ASB4: variants seen among roughly 807,000 people sequenced by gnomAD.
The protein encoded by ASB4 is ankyrin repeat and SOCS box protein 4.
In ASB4, 35 loss-of-function variants were observed where a neutral mutation model predicts 38.6. The ratio of observed to expected loss-of-function variants is 0.91; its 90% CI spans 0.69 to 1.20. The LOEUF is 1.20. Among genes scored for constraint, ASB4 ranks in the 50% most tolerant of loss-of-function variants. The probability of loss-of-function intolerance (pLI) is 0.00; values close to 1 mark genes in which losing one functional copy is unlikely to be tolerated. For synonymous variants in ASB4, 195 were observed against 201.3 expected, an observed-to-expected ratio of 0.97 and a Z score of 0.26; for missense variants, 557 against 527.2, an observed-to-expected ratio of 1.06 and a Z score of -0.55.
At chr7:95,492,932 A>AACAGAGAT (rs1464683545) in intron 1 of ASB4, among the ~76,000 whole-genome samples, 3 of 152,196 alleles carry the variant, frequency 2.0e-5, no homozygotes, top group Non-Finnish European at 2.9e-5. Context: ...CTCTGCTCGG[A>AACAGAGAT]ACAGAGATTC....
intron 1 of ASB4, among the ~76,000 whole-genome samples, chr7:95,493,417 T>C (rs1411580310): frequency 1.3e-5 from 2 of 149,304 alleles, no homozygotes; most frequent in East Asian, 3.9e-4. Flanking sequence ...TATAGCTAGG[T>C]TGGAGGATAC....
intron 2 of ASB4, among the ~76,000 whole-genome samples, chr7:95,510,024 G>A (rs1400533026): frequency 2.6e-5 from 4 of 152,042 alleles, no homozygotes; most frequent in Admixed American, 2.6e-4. Context: ...AAAAGACTGT[G>A]CTAAGGTGAC....
chr7:95,502,925 T>C (rs954346764), intron 2 of ASB4, among the ~76,000 whole-genome samples: 1 of 152,162 alleles, frequency 6.6e-6, no homozygotes, highest in African/African-American at 2.4e-5. Flanking sequence ...ACATATCTAA[T>C]AGAAAATTTC....
At position 95,486,020 on chromosome 7, in the gene ASB4, G is replaced by C. The variant is rs35047380; in HGVS notation, c.49G>C (p.Val17Leu). The change falls in exon 1 of 5, where the codon GTT becomes CTT. Residue 17 changes from valine (V) to leucine (L), a missense_variant. Val to Leu is a conservative substitution (Grantham distance 32). Coordinates refer to ENST00000325885, the MANE Select transcript of ASB4 (RefSeq NM_016116.3). ...PVTKSGAAKLVKRNFLEALKS... is the reference protein window; with the variant it reads ...PVTKSGAAKLLKRNFLEALKS... ...CACTAAATCTGGAGCTGCCAAGTTA[G>C]TTAAGAGAAATTTCCTTGAGGCGCT... The C allele has an allele frequency of 6.0e-3, 9,643 of 1,614,080 alleles. 459 individuals are homozygous for C. The African/African-American group carries it at 0.11, about 19-fold the overall frequency.
At chr7:95,481,871 C>A (rs1466218058), upstream of ASB4, among the ~76,000 whole-genome samples, 1 of 152,134 alleles carries the variant, frequency 6.6e-6, no homozygotes, top group Non-Finnish European at 1.5e-5. Flanking sequence ...TAATAAAAAG[C>A]TCATCTTATA....
the ASB4 span, among the ~76,000 whole-genome samples, chr7:95,549,640 G>C: frequency 1.3e-4 from 20 of 152,076 alleles, no homozygotes; most frequent in African/African-American, 4.8e-4. Context: ...CACAAGAACA[G>C]GTCTGTAATG....
chr7:95,545,783 T>C, the ASB4 span, among the ~76,000 whole-genome samples: 1 of 152,166 alleles, frequency 6.6e-6, no homozygotes, highest in East Asian at 1.9e-4. Flanking sequence ...AAGCTAGGAT[T>C]AAAAACTACC....
chr7:95,498,110 T>A (rs1041155105), intron 2 of ASB4, among the ~76,000 whole-genome samples: 1 of 152,236 alleles, frequency 6.6e-6, no homozygotes, highest in Admixed American at 6.5e-5. Context: ...AGTAGTTCTG[T>A]CATTTCGTAT....
intron 2 of ASB4, among the ~76,000 whole-genome samples, chr7:95,502,502 A>G (rs1562813381): frequency 6.6e-6 from 1 of 152,098 alleles, no homozygotes; most frequent in African/African-American, 2.4e-5. Flanking sequence ...CATTTTACCC[A>G]GGGCTGTCAT....
At chr7:95,475,255 A>T (rs1469328517), upstream of ASB4, among the ~76,000 whole-genome samples, 1 of 152,178 alleles carries the variant, frequency 6.6e-6, no homozygotes, top group Non-Finnish European at 1.5e-5. Flanking sequence ...CACTCACTAC[A>T]CTATAGCCAA....
At chr7:95,496,990 A>T (rs1790260194) in intron 2 of ASB4, among the ~76,000 whole-genome samples, 1 of 152,172 alleles carries the variant, frequency 6.6e-6, no homozygotes, top group Non-Finnish European at 1.5e-5. Context: ...AACTTGGAAT[A>T]TTAAACAGAT....
chr7:95,511,697 G>A (rs1790484891), intron 2 of ASB4, among the ~76,000 whole-genome samples: 1 of 151,950 alleles, frequency 6.6e-6, no homozygotes, highest in African/African-American at 2.4e-5. Flanking sequence ...AATAACAACA[G>A]CTGGATATGG....
In ASB4 at chr7:95,537,793, T is replaced by A. The variant is rs1330251642; in HGVS notation, c.*34T>A. 2 of 1,580,048 alleles carry A rather than the reference T, an allele frequency of 1.3e-6. No homozygotes were observed. The highest frequency in any genetic ancestry group is 1.7e-5 in the Admixed American group (1 of 58,412). On this transcript the variant is annotated 3_prime_UTR_variant, in exon 5 of 5. Coordinates refer to ENST00000325885, the MANE Select transcript of ASB4 (RefSeq NM_016116.3). The stretch of plus-strand genomic sequence containing the variant: ...AGACAGCAGTTCCCAATCCTAGGTA[T>A]TTAAGTGGACTTGCTGGGTAGACAC...
intron 2 of ASB4, among the ~76,000 whole-genome samples, chr7:95,515,316 T>TCTTTCTTTCTTTCTTTCTTCCTTCCTTC (rs1420581416): frequency 1.0e-5 from 1 of 95,772 alleles, no homozygotes; most frequent in East Asian, 3.1e-4. Flanking sequence ...TTTCTTTCTT[T>TCTTTCTTTCTTTCTTTCTTCCTTCCTTC]CTTCCTTCCT....
chr7:95,474,544 C>A (rs113293801), upstream of ASB4, among the ~76,000 whole-genome samples: 1,037 of 152,222 alleles, frequency 6.8e-3, 1 homozygote, highest in Admixed American at 0.01. Flanking sequence ...CTTTTTGAGA[C>A]AGGGTCTCAT....
At chr7:95,500,459 G>A (rs989450576) in intron 2 of ASB4, among the ~76,000 whole-genome samples, 6 of 149,344 alleles carry the variant, frequency 4.0e-5, no homozygotes, top group Non-Finnish European at 7.4e-5. Context: ...CTAGCTACTC[G>A]AAAGGCTGAG....
At chr7:95,507,500 C>T (rs1790426209) in intron 2 of ASB4, among the ~76,000 whole-genome samples, 1 of 152,130 alleles carries the variant, frequency 6.6e-6, no homozygotes, top group Non-Finnish European at 1.5e-5. Flanking sequence ...TCTGTATTCT[C>T]ATAGCACATT....
intron 1 of ASB4, among the ~76,000 whole-genome samples, chr7:95,494,531 T>C (rs1040082039): frequency 6.6e-6 from 1 of 152,220 alleles, no homozygotes; most frequent in Admixed American, 6.6e-5. Flanking sequence ...AAGCAAACTT[T>C]TGATTTATCC....
intron 3 of ASB4, among the ~76,000 whole-genome samples, chr7:95,532,741 C>T (rs1268626812): frequency 3.3e-5 from 5 of 152,086 alleles, no homozygotes; most frequent in Admixed American, 6.5e-5. Context: ...GTGTATTAAT[C>T]CATGCTTTTG....
Sources: gnomAD v4.1 joint callset for allele counts (sites outside exome capture counted in the v4.1 genomes callset) on GRCh38, gnomAD v4.1.1 for gene constraint, MANE v1.5 for transcripts, NCBI Gene and HGNC (gene_info 2026-07-23, HGNC 2026-07-21) for gene names.